Variants in SHISA6 observed in about 807,000 individuals in gnomAD.
SHISA6 encodes the protein protein shisa-6.
SHISA6 carries 22 observed loss-of-function variants against 47.9 expected under a neutral mutation model. The observed-to-expected ratio is 0.46, with a 90% CI of 0.33 to 0.66. The LOEUF (loss-of-function observed/expected upper bound fraction) is 0.66, where lower values mean the gene tolerates loss of function less well. Among genes scored for constraint, SHISA6 ranks in the 30% least tolerant of loss-of-function variants. SHISA6 has a pLI of 0.02. For missense variants in SHISA6, 680 were observed against 764.6 expected (o/e 0.89, Z 1.30); for synonymous variants, 388 against 337.8 (o/e 1.15, Z -1.63).
At chr17:11,508,264 C>G (rs1460819078) in intron 3 of SHISA6, among the ~76,000 whole-genome samples, 1 of 152,188 alleles carries the variant, frequency 6.6e-6, no homozygotes, top group African/African-American at 2.4e-5. Context: ...ATTTATTTCT[C>G]ACTGTTCTGG....
At chr17:11,337,225 C>T (rs1296608368) in intron 2 of SHISA6, among the ~76,000 whole-genome samples, 28 of 152,064 alleles carry the variant, frequency 1.8e-4, no homozygotes, top group Admixed American at 1.7e-3. Flanking sequence ...GTGGGCAAAA[C>T]GCAAATGGTT....
rs796608817 is a variant in SHISA6, at chr17:11,558,028, C to A, written c.1380C>A (p.Ser460=). The A allele has an allele frequency of 1.3e-6, 2 of 1,551,632 alleles. No individual in the cohort carries two copies. The highest frequency in any genetic ancestry group is 8.7e-7 in the Non-Finnish European group (1 of 1,146,988). ...TGCACTCCCAGGACCCGCTGCTGTC[C>A]CCGGAGCGGACGGCCTTTCCCGAGC... ...ERLHSQDPLL[S]PERTAFPEQS... Residue 460 remains serine (S), a synonymous_variant, in exon 6 of 6, where the codon TCC becomes TCA. Transcript: ENST00000441885.
chr17:11,531,176 T>G (rs1023849568), intron 3 of SHISA6, among the ~76,000 whole-genome samples: 12 of 151,462 alleles, frequency 7.9e-5, no homozygotes, highest in African/African-American at 2.9e-4. Context: ...CTGGTGCCAT[T>G]ACCCATAGCT....
intron 3 of SHISA6, among the ~76,000 whole-genome samples, chr17:11,517,961 A>G (rs1271848923): frequency 6.6e-6 from 1 of 151,946 alleles, no homozygotes; most frequent in African/African-American, 2.4e-5. Context: ...GAACCTCTGT[A>G]GGGTTTTCTG....
At chr17:11,543,556 G>C (rs1462397604) in intron 3 of SHISA6, among the ~76,000 whole-genome samples, 1 of 152,136 alleles carries the variant, frequency 6.6e-6, no homozygotes, top group African/African-American at 2.4e-5. Flanking sequence ...CAGATTCAAT[G>C]TAATTCCTAC....
At chr17:11,319,616 A>C (rs1281887115) in intron 2 of SHISA6, among the ~76,000 whole-genome samples, 2 of 152,216 alleles carry the variant, frequency 1.3e-5, no homozygotes, top group Non-Finnish European at 2.9e-5. Flanking sequence ...AACCATCTAA[A>C]TAAGTCATGT....
rs1040781865 is a variant in SHISA6 at position 11,379,460 on chromosome 17, T to C, written c.846T>C (p.His282=). The C allele has an allele frequency of 1.9e-6, 3 of 1,543,204 alleles. No individual in the cohort carries two copies. Among genetic ancestry groups the C allele is most frequent in the Admixed American group, 4.0e-5 (2 of 49,798 alleles). ...ACCGAAGTGGAGGACCTGATCTCCA[T>C]AACTTCATCTCATCTGGATTTGTCA... ...DAYRSGGPDL[H]NFISSGFVTL... Residue 282 remains histidine, a synonymous_variant, in exon 3 of 6, where the codon CAT becomes CAC. Transcript: ENST00000441885.
intron 2 of SHISA6, among the ~76,000 whole-genome samples, chr17:11,374,407 T>C (rs750335275): frequency 3.3e-5 from 5 of 152,160 alleles, no homozygotes; most frequent in Admixed American, 6.5e-5. Context: ...TAAAAATTCT[T>C]ACTCTGAGAT....
intron 2 of SHISA6, among the ~76,000 whole-genome samples, chr17:11,301,600 C>T (rs767774829): frequency 5.3e-5 from 8 of 152,158 alleles, no homozygotes; most frequent in Non-Finnish European, 7.3e-5. Context: ...ACCTCCTTGC[C>T]GTTCCCCTCC....
At chr17:11,252,282 T>C (rs534338094) in intron 1 of SHISA6, among the ~76,000 whole-genome samples, 10 of 152,200 alleles carry the variant, frequency 6.6e-5, no homozygotes, top group Non-Finnish European at 1.2e-4. Context: ...TATTCCTTGC[T>C]TTTTTGGCAT....
At chr17:11,372,930 C>T (rs568935829) in intron 2 of SHISA6, among the ~76,000 whole-genome samples, 6 of 152,016 alleles carry the variant, frequency 3.9e-5, no homozygotes, top group Non-Finnish European at 7.4e-5. Context: ...AAGCTACTTT[C>T]GGTTTTATTT....
intron 3 of SHISA6, among the ~76,000 whole-genome samples, chr17:11,459,287 C>T (rs1171498148): frequency 5.9e-5 from 9 of 152,014 alleles, no homozygotes; most frequent in Admixed American, 5.9e-4. Flanking sequence ...TTCATGAAGC[C>T]CTCCCCTACC....
At chr17:11,300,954 A>G (rs995750138) in intron 2 of SHISA6, among the ~76,000 whole-genome samples, 4 of 151,344 alleles carry the variant, frequency 2.6e-5, no homozygotes, top group African/African-American at 4.9e-5. Context: ...AAATCACAAC[A>G]TGTTCACACA....
chr17:11,251,410 T>C (rs533654076), intron 1 of SHISA6, among the ~76,000 whole-genome samples: 1 of 150,676 alleles, frequency 6.6e-6, no homozygotes, highest in African/African-American at 2.4e-5. Context: ...CAAAACACCC[T>C]GATTTTAATT....
At chr17:11,265,880 G>A (rs1908406930) in intron 2 of SHISA6, among the ~76,000 whole-genome samples, 1 of 152,128 alleles carries the variant, frequency 6.6e-6, no homozygotes, top group Non-Finnish European at 1.5e-5. Context: ...GTCTCTTCTA[G>A]TGAGCTGAGA....
At chr17:11,477,640 A>G (rs1032031964) in intron 3 of SHISA6, among the ~76,000 whole-genome samples, 4 of 137,274 alleles carry the variant, frequency 2.9e-5, no homozygotes, top group African/African-American at 5.5e-5. Flanking sequence ...TCATTGTTCA[A>G]TTCCCACCTA....
chr17:11,242,022 C>T lies in SHISA6; in HGVS notation c.600C>T (p.Asp200=), dbSNP rs1488908284. The T allele has an allele frequency of 9.0e-6, 14 of 1,550,890 alleles. No individual in the cohort carries two copies. Among genetic ancestry groups the T allele is most frequent in the Non-Finnish European group, 1.7e-6 (2 of 1,147,014 alleles). ...GCGTCTTCGCCAAGGTCTCCTACGA[C>T]AAGGCCCACCGCCCTCCACGGGAGA... ...VAGVFAKVSY[D]KAHRPPREMN... The change falls in exon 1 of 6, where the codon GAC becomes GAT. Residue 200 remains aspartate (D), a synonymous_variant. Coordinates refer to ENST00000441885, the MANE Select transcript of SHISA6 (RefSeq NM_207386.4).
chr17:11,453,040 C>T (rs1312503042), intron 3 of SHISA6, among the ~76,000 whole-genome samples: 7 of 151,756 alleles, frequency 4.6e-5, no homozygotes, highest in African/African-American at 7.3e-5. Flanking sequence ...AAACATTCCT[C>T]AGCTTTCCTC....
At chr17:11,502,401 T>C (rs1267043910) in intron 3 of SHISA6, among the ~76,000 whole-genome samples, 2 of 82,976 alleles carry the variant, frequency 2.4e-5, no homozygotes, top group South Asian at 5.0e-4. Context: ...AGAGCGAGAC[T>C]CCGTCTCAAA....
Sources: allele counts gnomAD v4.1 joint callset (sites outside exome capture counted in the v4.1 genomes callset), GRCh38; gene constraint gnomAD v4.1.1; transcripts MANE v1.5; gene names NCBI Gene and HGNC (gene_info 2026-07-23, HGNC 2026-07-21).